ERC2: variants seen among roughly 807,000 people sequenced by gnomAD.
The protein encoded by ERC2 is ERC protein 2.
In ERC2, 42 loss-of-function variants were observed where a neutral mutation model predicts 114.8. That is an observed-to-expected ratio of 0.37 (90% CI 0.29 to 0.47). The LOEUF (loss-of-function observed/expected upper bound fraction) is 0.47. Among genes scored for constraint, ERC2 ranks in the 20% least tolerant of loss-of-function variants. The pLI, the probability that ERC2 is intolerant of heterozygous loss-of-function variation, is 0.99. For synonymous variants in ERC2, 454 were observed against 425.5 expected, an observed-to-expected ratio of 1.07 and a Z score of -0.82; for missense variants, 939 against 1,150.7, an observed-to-expected ratio of 0.82 and a Z score of 2.66.
intron 2 of ERC2, among the ~76,000 whole-genome samples, chr3:56,422,246 A>G (rs1257697906): frequency 6.6e-6 from 1 of 152,178 alleles, no homozygotes; most frequent in African/African-American, 2.4e-5. Flanking sequence ...AATAACCCAA[A>G]GTAAAGAGCT....
At chr3:56,044,557 GA>G (rs2075366004) in intron 7 of ERC2, among the ~76,000 whole-genome samples, 2 of 151,938 alleles carry the variant, frequency 1.3e-5, no homozygotes, top group African/African-American at 4.8e-5. Context: ...CATTTGGGGG[GA>G]AAATTGTAGC....
At chr3:56,100,686 A>T (rs573624522) in intron 6 of ERC2, among the ~76,000 whole-genome samples, 1 of 152,332 alleles carries the variant, frequency 6.6e-6, no homozygotes, top group South Asian at 2.1e-4. Flanking sequence ...ACATGAAAAA[A>T]TGAATTTTCT....
chr3:55,531,922 C>T (rs754237115), intron 17 of ERC2, among the ~76,000 whole-genome samples: 48 of 152,352 alleles, frequency 3.2e-4, no homozygotes, highest in Non-Finnish European at 5.6e-4. Flanking sequence ...TTGGCAGTTT[C>T]GCAGTCATTA....
At chr3:55,761,523 G>A (rs1575518690) in intron 14 of ERC2, among the ~76,000 whole-genome samples, 2 of 152,092 alleles carry the variant, frequency 1.3e-5, no homozygotes, top group Admixed American at 1.3e-4. Flanking sequence ...TAGCGTGAAA[G>A]CAGCCATGAC....
chr3:55,568,291 G>A (rs935112168), intron 17 of ERC2, among the ~76,000 whole-genome samples: 1 of 152,146 alleles, frequency 6.6e-6, no homozygotes, highest in Non-Finnish European at 1.5e-5. Flanking sequence ...TCATTGCCCT[G>A]GTTCAACTTG....
At chr3:56,051,838 C>T (rs1332820416) in intron 7 of ERC2, among the ~76,000 whole-genome samples, 78 of 102,908 alleles carry the variant, frequency 7.6e-4, no homozygotes, top group Non-Finnish European at 1.3e-3. Context: ...CACACACACA[C>T]ACACACACAC....
intron 17 of ERC2, among the ~76,000 whole-genome samples, chr3:55,551,250 C>T (rs745817401): frequency 1.4e-4 from 22 of 151,964 alleles, no homozygotes; most frequent in Admixed American, 5.2e-4. Context: ...CTGCTGGGCA[C>T]GGTGGCTCAT....
intron 17 of ERC2, among the ~76,000 whole-genome samples, chr3:55,639,597 T>C (rs1055793953): frequency 6.6e-6 from 1 of 152,200 alleles, no homozygotes. Context: ...ACATCCTAGC[T>C]TGGCCTGAAA....
intron 2 of ERC2, among the ~76,000 whole-genome samples, chr3:56,410,808 A>G (rs1341569146): frequency 6.6e-6 from 1 of 152,128 alleles, no homozygotes; most frequent in East Asian, 1.9e-4. Flanking sequence ...TATCTTGATT[A>G]CAGCAGATAT....
intron 7 of ERC2, among the ~76,000 whole-genome samples, chr3:56,038,075 G>T (rs1444740745): frequency 2.0e-5 from 3 of 152,032 alleles, no homozygotes; most frequent in Non-Finnish European, 4.4e-5. Flanking sequence ...AGCAAAAATT[G>T]ACAAATAGGA....
chr3:56,123,889 G>A (rs536778893), intron 6 of ERC2, among the ~76,000 whole-genome samples: 1 of 152,236 alleles, frequency 6.6e-6, no homozygotes, highest in East Asian at 1.9e-4. Context: ...TTTTGGTTCT[G>A]GGTCTATACA....
intron 2 of ERC2, among the ~76,000 whole-genome samples, chr3:56,427,499 C>G (rs567888795): frequency 2.0e-5 from 3 of 152,030 alleles, no homozygotes; most frequent in African/African-American, 7.2e-5. Flanking sequence ...TGTTGTGGGT[C>G]GAATTGTGTA....
chr3:56,129,346 G>A (rs762547739), intron 6 of ERC2, among the ~76,000 whole-genome samples: 3 of 152,156 alleles, frequency 2.0e-5, no homozygotes, highest in Admixed American at 6.5e-5. Context: ...TGTGACAAAC[G>A]TGGATCCAGT....
At chr3:56,353,823 T>TAA (rs1491488914) in intron 2 of ERC2, among the ~76,000 whole-genome samples, 2 of 145,288 alleles carry the variant, frequency 1.4e-5, no homozygotes, top group African/African-American at 5.0e-5. Context: ...TATATATATA[T>TAA]AAAGAAATAA....
intron 11 of ERC2, among the ~76,000 whole-genome samples, chr3:55,991,389 T>C (rs1034590154): frequency 6.6e-6 from 1 of 152,244 alleles, no homozygotes; most frequent in Non-Finnish European, 1.5e-5. Flanking sequence ...AAGACATTGA[T>C]AGCAAGCTTA....
chr3:56,440,670 G>A (rs1167347414), intron 1 of ERC2, among the ~76,000 whole-genome samples: 1 of 152,080 alleles, frequency 6.6e-6, no homozygotes, highest in African/African-American at 2.4e-5. Context: ...TAGCCAGTAT[G>A]TATTATGTTA....
intron 14 of ERC2, among the ~76,000 whole-genome samples, chr3:55,779,823 C>T (rs1248604334): frequency 6.6e-6 from 1 of 152,048 alleles, no homozygotes; most frequent in African/African-American, 2.4e-5. Context: ...CAGTGGTACA[C>T]ATCAGAATCG....
chr3:55,825,701 T>C (rs2060297683), intron 14 of ERC2, among the ~76,000 whole-genome samples: 1 of 152,166 alleles, frequency 6.6e-6, no homozygotes, highest in African/African-American at 2.4e-5. Flanking sequence ...CTCTCAAAAG[T>C]ATTTTACCCT....
At chr3:55,974,269 G>A (rs78818859) in intron 12 of ERC2, among the ~76,000 whole-genome samples, 4,999 of 152,244 alleles carry the variant, frequency 0.033, 154 homozygotes, top group Middle Eastern at 0.089. Context: ...ATTACTAGCC[G>A]GACAGGGGCT....
Sources: allele counts gnomAD v4.1 joint callset (sites outside exome capture counted in the v4.1 genomes callset), GRCh38; gene constraint gnomAD v4.1.1; transcripts MANE v1.5; gene names NCBI Gene and HGNC (gene_info 2026-07-23, HGNC 2026-07-21).